The following GREB1L variants were observed in gnomAD, a reference collection of about 807,000 sequenced individuals.
GREB1L encodes the protein GREB1 like retinoic acid receptor coactivator, also known as GREB1-like protein.
Under a neutral mutation model 200.8 loss-of-function variants are expected in GREB1L, and 17 were observed. The ratio of observed to expected loss-of-function variants is 0.08; its 90% CI spans 0.06 to 0.13. The LOEUF is 0.13. GREB1L is among the 10% of genes least tolerant of loss of function. The pLI, the probability that GREB1L is intolerant of heterozygous loss-of-function variation, is 1.00. For missense variants in GREB1L, 1,657 were observed against 2,367.7 expected (o/e 0.70, Z 6.23); for synonymous variants, 789 against 893.0 (o/e 0.88, Z 2.08).
intron 16 of GREB1L, among the ~76,000 whole-genome samples, chr18:21,474,343 A>T (rs2035600870): frequency 6.6e-6 from 1 of 152,196 alleles, no homozygotes; most frequent in Non-Finnish European, 1.5e-5. Context: ...AATGGGAGAA[A>T]TTGGCTAAAA....
intron 11 of GREB1L, among the ~76,000 whole-genome samples, chr18:21,448,245 A>G (rs7232477): frequency 0.026 from 3,922 of 151,858 alleles, 180 homozygotes; most frequent in African/African-American, 0.087. Flanking sequence ...GTTTCCATGT[A>G]TAGAGGAGAA....
chr18:21,351,992 C>T (rs1248088918), intron 1 of GREB1L, among the ~76,000 whole-genome samples: 7 of 151,994 alleles, frequency 4.6e-5, no homozygotes, highest in Non-Finnish European at 1.0e-4. Flanking sequence ...GGATTACAGG[C>T]ACGCGCCACC....
chr18:21,380,918 G>A (rs2040279741), intron 2 of GREB1L, among the ~76,000 whole-genome samples: 1 of 151,716 alleles, frequency 6.6e-6, no homozygotes, highest in African/African-American at 2.4e-5. Flanking sequence ...GGCCAAGATG[G>A]TGAAACCCCG....
At chr18:21,263,819 C>G (rs923483240) in intron 1 of GREB1L, among the ~76,000 whole-genome samples, 1 of 152,170 alleles carries the variant, frequency 6.6e-6, no homozygotes, top group Non-Finnish European at 1.5e-5. Context: ...TAGGTTATCT[C>G]AGAAGCAATA....
rs1440569372 is a variant in GREB1L, at chr18:21,525,916, G to T, written c.*3095G>T. Among the ~76,000 whole-genome samples the T allele has an allele frequency of 6.6e-6, 1 of 152,120 alleles. No homozygotes were observed. Among genetic ancestry groups the T allele is most frequent in the Non-Finnish European group, 1.5e-5 (1 of 68,022 alleles). ...AATCTTCTAGGCCAAAGGACCCTCAGGAAGGGCAATAAATATTTGTAAGTG... is the reference window on the plus strand; with the variant it reads ...AATCTTCTAGGCCAAAGGACCCTCATGAAGGGCAATAAATATTTGTAAGTG... On this transcript the variant is annotated 3_prime_UTR_variant, in exon 33 of 33. Transcript: ENST00000424526.
intron 1 of GREB1L, among the ~76,000 whole-genome samples, chr18:21,253,918 C>T (rs1471305925): frequency 1.3e-5 from 2 of 150,200 alleles, no homozygotes; most frequent in Non-Finnish European, 2.9e-5. Flanking sequence ...CTCACTGCAG[C>T]CTCGAACTCC....
chr18:21,417,806 G>A lies in GREB1L; in HGVS notation c.832+13812G>A, dbSNP rs376466863. Among the ~76,000 whole-genome samples the A allele has an allele frequency of 5.9e-5, 9 of 151,542 alleles. No homozygotes were observed. In the East Asian group the frequency reaches 1.2e-3, roughly 20 times the overall value. On this transcript the variant is annotated intron_variant, in intron 7 of 32. Coordinates refer to ENST00000424526, the MANE Select transcript of GREB1L (RefSeq NM_001142966.3). ...AGATCAAGACCATCCTGGCTAACAC[G>A]GTCTCTACTAAAAATATTTGAAAAA...
chr18:21,351,889 C>T (rs186047215), intron 1 of GREB1L, among the ~76,000 whole-genome samples: 1 of 151,842 alleles, frequency 6.6e-6, no homozygotes, highest in African/African-American at 2.4e-5. Flanking sequence ...AATCTGTCGC[C>T]CAGGCTGGAG....
At chr18:21,268,522 T>TACACACACAC (rs773384876) in intron 1 of GREB1L, among the ~76,000 whole-genome samples, 25 of 65,156 alleles carry the variant, frequency 3.8e-4, no homozygotes, top group South Asian at 2.5e-3. Context: ...TATATATATA[T>TACACACACAC]ACACACACAC....
chr18:21,416,982 T>A (rs1238626664), intron 7 of GREB1L, among the ~76,000 whole-genome samples: 1 of 152,108 alleles, frequency 6.6e-6, no homozygotes, highest in African/African-American at 2.4e-5. Context: ...ATCATGCCAC[T>A]GTACTCCAGC....
At chr18:21,492,265 G>A (rs1382201242) in intron 19 of GREB1L, among the ~76,000 whole-genome samples, 1 of 151,924 alleles carries the variant, frequency 6.6e-6, no homozygotes, top group African/African-American at 2.4e-5. Context: ...AGAATGGCGT[G>A]AACCCGGGAG....
At position 21,296,004 on chromosome 18, in the gene GREB1L, G is replaced by A. The variant is rs570588650; in HGVS notation, c.-120+53611G>A. Among the ~76,000 whole-genome samples the A allele has an allele frequency of 4.6e-5, 7 of 152,302 alleles. No homozygotes were observed. In the East Asian group the frequency reaches 9.6e-4, roughly 21 times the overall value. ...GAGTGTAAATTAATTCAGCCACTAT[G>A]GAAAGCAGTTTGGAGATATCTCAAA... On this transcript the variant is annotated intron_variant, in intron 1 of 32. Transcript: ENST00000424526.
Position 21,490,109 on chromosome 18 carries a change from G to C in GREB1L, c.2788G>C (p.Asp930His). ...TCTCACCACCATGGCGTCACTCCGC[G>C]ACCACAGCACACCAGAAACACTCAG... The part of the protein sequence containing the change: ...MALTTMASLR[D>H]HSTPETLSIM... Residue 930 changes from aspartate (D) to histidine (H), a missense_variant, in exon 19 of 33, where the codon GAC becomes CAC. Physicochemically the swap from Asp to His is moderately conservative, Grantham distance 81 (BLOSUM62 -1). This residue lies in a region of GREB1L where 82 missense variants were observed against 95.9 expected (regional missense o/e 0.85). Transcript: ENST00000424526. The C allele has an allele frequency of 6.4e-7, 1 of 1,551,810 alleles. No homozygotes were observed. The highest frequency in any genetic ancestry group is 8.7e-7 in the Non-Finnish European group (1 of 1,147,028).
chr18:21,386,452 G>C (rs956225272), intron 4 of GREB1L, among the ~76,000 whole-genome samples: 6 of 151,832 alleles, frequency 4.0e-5, no homozygotes, highest in Non-Finnish European at 7.4e-5. Flanking sequence ...CACCACGCCT[G>C]GCTAATTTTT....
chr18:21,320,853 G>T (rs2038940592), intron 1 of GREB1L, among the ~76,000 whole-genome samples: 1 of 151,946 alleles, frequency 6.6e-6, no homozygotes, highest in South Asian at 2.1e-4. Flanking sequence ...CACAGTAAAG[G>T]ACAGGAGGAG....
rs2039669148 is a variant in GREB1L, at chr18:21,366,019, T to A, written c.-119-8T>A. On this transcript the variant is annotated splice_polypyrimidine_tract_variant and splice_region_variant and intron_variant, in intron 1 of 32. Transcript: ENST00000424526. The stretch of plus-strand genomic sequence containing the variant: ...ATGTATATATTTTTATTTTTTATGT[T>A]TTTGCAGGTGCACAAAAAGCTTTAA... 6.6e-6 allele frequency: 1 copy of A among 152,122 alleles called. No homozygotes were observed. 9.4% of individuals were successfully genotyped at this position (152,122 alleles called of 1,614,324 possible).
At chr18:21,329,972 G>A (rs1030652973) in intron 1 of GREB1L, among the ~76,000 whole-genome samples, 2 of 141,610 alleles carry the variant, frequency 1.4e-5, no homozygotes, top group African/African-American at 5.4e-5. Flanking sequence ...TTTTTTTTGG[G>A]GGGGGGGGGT....
At chr18:21,347,882 T>C (rs1247242820) in intron 1 of GREB1L, among the ~76,000 whole-genome samples, 1 of 136,556 alleles carries the variant, frequency 7.3e-6, no homozygotes, top group Non-Finnish European at 1.5e-5. Flanking sequence ...TTCTCCTGCC[T>C]CAGCCTCCCG....
rs576074071 is a variant in GREB1L, at chr18:21,439,651, C to A, written c.949+14C>A. ...CAGGAGATCAAGGTACAATGCCTGT[C>A]GTAGAGTTTTGTAATAATGCACTTA... On this transcript the variant is annotated intron_variant, in intron 8 of 32. Transcript: ENST00000424526. 35 of 1,466,042 alleles carry A rather than the reference C, an allele frequency of 2.4e-5. No individual in the cohort carries two copies. In the African/African-American group the frequency reaches 4.3e-4, roughly 18 times the overall value. 90.8% of individuals were successfully genotyped at this position (1,466,042 alleles called of 1,614,324 possible).
Sources: gnomAD v4.1 joint callset for allele counts (sites outside exome capture counted in the v4.1 genomes callset) on GRCh38, gnomAD v4.1.1 for gene constraint, gnomAD v4.1.1 regional missense constraint, MANE v1.5 for transcripts, NCBI Gene and HGNC (gene_info 2026-07-23, HGNC 2026-07-21) for gene names.